The following KCNMB2 variants were observed in gnomAD, a reference collection of about 807,000 sequenced individuals.
KCNMB2 encodes potassium calcium-activated channel subfamily M regulatory beta subunit 2, also known as calcium-activated potassium channel subunit beta-2.
KCNMB2 carries 9 observed loss-of-function variants against 24.5 expected under a neutral mutation model. The ratio of observed to expected loss-of-function variants is 0.37; its 90% CI spans 0.22 to 0.64. The LOEUF is 0.64. KCNMB2 is among the 30% of genes least tolerant of loss of function. The pLI is 0.63. For synonymous variants in KCNMB2, 109 were observed against 104.4 expected, an observed-to-expected ratio of 1.04 and a Z score of -0.27; for missense variants, 226 against 284.3, an observed-to-expected ratio of 0.79 and a Z score of 1.47.
At chr3:178,620,336 T>A (rs999266641) in intron 1 of KCNMB2, among the ~76,000 whole-genome samples, 35 of 150,916 alleles carry the variant, frequency 2.3e-4, no homozygotes, top group African/African-American at 7.7e-4. Flanking sequence ...ATGGAAAAAA[T>A]TTTAAATTAT....
rs552068845 is a variant in KCNMB2, at chr3:178,703,165, C to G, written c.-67-104178C>G. 2.6e-5 allele frequency among the ~76,000 whole-genome samples: 4 copies of G among 152,110 alleles called. No homozygotes were observed. In the South Asian group the frequency reaches 6.2e-4, roughly 24 times the overall value. On this transcript the variant is annotated intron_variant, in intron 1 of 4. Coordinates refer to ENST00000452583, the MANE Select transcript of KCNMB2 (RefSeq NM_181361.3). Reference sequence around the variant, plus strand: ...GAGATGATGACAATGACCACGAGTTCTTGACCAATAATATTAATAACCATC... The same window carrying G: ...GAGATGATGACAATGACCACGAGTTGTTGACCAATAATATTAATAACCATC...
chr3:178,799,450 A>AC (rs1560026441), intron 1 of KCNMB2, among the ~76,000 whole-genome samples: 2 of 152,054 alleles, frequency 1.3e-5, no homozygotes, highest in Admixed American at 6.6e-5. Context: ...ATAAAAAAAA[A>AC]TCTGGGAATA....
At chr3:178,690,078 G>A (rs974727841) in intron 1 of KCNMB2, among the ~76,000 whole-genome samples, 1 of 152,150 alleles carries the variant, frequency 6.6e-6, no homozygotes, top group Admixed American at 6.5e-5. Flanking sequence ...ATCAGGAAAT[G>A]TGTTATTTCT....
chr3:178,662,145 T>G (rs1400958288), intron 1 of KCNMB2, among the ~76,000 whole-genome samples: 1 of 152,238 alleles, frequency 6.6e-6, no homozygotes, highest in Non-Finnish European at 1.5e-5. Context: ...GGTGTTTATA[T>G]GCTAAAGTAT....
intron 2 of KCNMB2, among the ~76,000 whole-genome samples, chr3:178,809,346 T>G (rs1262928849): frequency 3.3e-5 from 5 of 152,208 alleles, no homozygotes; most frequent in Non-Finnish European, 7.3e-5. Flanking sequence ...TTTAATATAT[T>G]TTGCTACTTT....
At chr3:178,546,262 C>T (rs1458483811) in intron 1 of KCNMB2, among the ~76,000 whole-genome samples, 1 of 152,086 alleles carries the variant, frequency 6.6e-6, no homozygotes, top group African/African-American at 2.4e-5. Flanking sequence ...TCTATTTCCC[C>T]ATTGACACGT....
intron 1 of KCNMB2, among the ~76,000 whole-genome samples, chr3:178,567,950 G>A (rs773475421): frequency 2.2e-4 from 34 of 152,128 alleles, no homozygotes; most frequent in Non-Finnish European, 3.8e-4. Flanking sequence ...AATGTTGAAT[G>A]TATGTGGCTA....
At chr3:178,631,475 C>T (rs527401364) in intron 1 of KCNMB2, among the ~76,000 whole-genome samples, 28 of 152,374 alleles carry the variant, frequency 1.8e-4, no homozygotes, top group Non-Finnish European at 3.2e-4. Context: ...ACTCAGCTTC[C>T]GCCTATGCGG....
chr3:178,561,446 G>A (rs376455012), intron 1 of KCNMB2, among the ~76,000 whole-genome samples: 9 of 152,312 alleles, frequency 5.9e-5, no homozygotes, highest in African/African-American at 1.7e-4. Flanking sequence ...GGACAGCTGA[G>A]TTCTATTCTT....
chr3:178,564,558 C>T (rs1476992816), intron 1 of KCNMB2, among the ~76,000 whole-genome samples: 2 of 152,074 alleles, frequency 1.3e-5, no homozygotes, highest in African/African-American at 4.8e-5. Flanking sequence ...TATCAAACAC[C>T]CCACTTCTAG....
chr3:178,843,135 TG>T lies in KCNMB2; in HGVS notation c.*199del, dbSNP rs978146743. 2 of 660,282 alleles carry T rather than the reference TG, an allele frequency of 3.0e-6. No homozygotes were observed. The allele number at this position is 660,282 out of a possible 1,614,324, so 40.9% of individuals were successfully genotyped here. ...TATTCAGGAGAATAAATAACTGTTT[TG>T]TGTTGGTTGGTGGTTTTCATAATCT... On this transcript the variant is annotated 3_prime_UTR_variant, in exon 5 of 5. Transcript: ENST00000452583.
chr3:178,801,623 G>A (rs1195700168), intron 1 of KCNMB2, among the ~76,000 whole-genome samples: 1 of 152,174 alleles, frequency 6.6e-6, no homozygotes. Flanking sequence ...AAAAGAAATG[G>A]AAGGAGCAGC....
chr3:178,794,775 G>A (rs1713468682), intron 1 of KCNMB2, among the ~76,000 whole-genome samples: 1 of 152,200 alleles, frequency 6.6e-6, no homozygotes, highest in African/African-American at 2.4e-5. Context: ...ACTCACAGGT[G>A]GGGAGGGTCT....
chr3:178,696,531 A>T (rs996153491), intron 1 of KCNMB2, among the ~76,000 whole-genome samples: 13 of 151,818 alleles, frequency 8.6e-5, no homozygotes, highest in Non-Finnish European at 1.6e-4. Context: ...ATTTTATCAA[A>T]TTTTTTTCAA....
intron 3 of KCNMB2, among the ~76,000 whole-genome samples, chr3:178,826,204 C>G (rs1366513714): frequency 6.6e-6 from 1 of 152,128 alleles, no homozygotes; most frequent in African/African-American, 2.4e-5. Context: ...CCAACCCCTC[C>G]CTCACCTTCC....
Position 178,804,508 on chromosome 3 carries a change from G to A in KCNMB2, c.-67-2835G>A, listed in dbSNP as rs142038960. Among the ~76,000 whole-genome samples the A allele has an allele frequency of 3.2e-3, 491 of 152,264 alleles. 3 individuals carry two copies. The highest frequency in any genetic ancestry group is 0.011 in the African/African-American group (475 of 41,546). ...AATCCACTTATTGGAATAAACTGAG[G>A]AGTCACTAAGTCCTTTCCAACAAGA... On this transcript the variant is annotated intron_variant, in intron 1 of 4. Transcript: ENST00000452583.
intron 1 of KCNMB2, among the ~76,000 whole-genome samples, chr3:178,795,426 C>T (rs1010470049): frequency 6.6e-6 from 1 of 152,206 alleles, no homozygotes; most frequent in Non-Finnish European, 1.5e-5. Context: ...TATATGACCA[C>T]ACATAGGAGA....
intron 1 of KCNMB2, among the ~76,000 whole-genome samples, chr3:178,583,974 A>T (rs1461604892): frequency 1.3e-5 from 2 of 152,234 alleles, no homozygotes; most frequent in Non-Finnish European, 2.9e-5. Context: ...TTCCCTGGTT[A>T]GGAAAACTTA....
At chr3:178,556,038 G>A (rs1470105867) in intron 1 of KCNMB2, among the ~76,000 whole-genome samples, 1 of 152,178 alleles carries the variant, frequency 6.6e-6, no homozygotes, top group Non-Finnish European at 1.5e-5. Flanking sequence ...CATAGGATAT[G>A]GAGAGTAAAT....
Sources: gnomAD v4.1 joint callset for allele counts (sites outside exome capture counted in the v4.1 genomes callset) on GRCh38, gnomAD v4.1.1 for gene constraint, MANE v1.5 for transcripts, NCBI Gene and HGNC (gene_info 2026-07-23, HGNC 2026-07-21) for gene names.